The following CCDC7 variants were observed in gnomAD, a reference collection of about 807,000 sequenced individuals.
CCDC7 encodes the protein coiled-coil domain containing 7.
A neutral mutation model predicts 196.9 loss-of-function variants in CCDC7; 183 were observed. The observed-to-expected ratio is 0.93, with a 90% CI of 0.82 to 1.05. CCDC7 has a LOEUF of 1.05. Ranked by LOEUF, CCDC7 falls within the 50% of genes least tolerant of loss-of-function variation. The probability of loss-of-function intolerance (pLI) is 0.00; values close to 1 mark genes in which losing one functional copy is unlikely to be tolerated. For synonymous variants in CCDC7, 525 were observed against 484.6 expected (o/e 1.08, Z -1.10); for missense variants, 1,540 against 1,482.2 (o/e 1.04, Z -0.64).
rs146947430 is a variant in CCDC7 at position 32,824,578 on chromosome 10, C to T, written c.3242C>T (p.Thr1081Met). Reference sequence around the variant, plus strand: ...GGTACAATAAATGATGCAATTAAGACGCAGTTAAAGAGAAAGAGTTACCCT... The same window carrying T: ...GGTACAATAAATGATGCAATTAAGATGCAGTTAAAGAGAAAGAGTTACCCT... Residue 1081 changes from threonine to methionine, a missense_variant, in exon 32 of 42, where the codon ACG becomes ATG. Thr to Met is a moderately conservative substitution (Grantham distance 81, BLOSUM62 -1). Coordinates refer to ENST00000639629, the Ensembl canonical transcript of CCDC7. The T allele has an allele frequency of 2.6e-4, 418 of 1,610,934 alleles. 1 individual carries two copies. Among genetic ancestry groups the T allele is most frequent in the South Asian group, 6.5e-4 (59 of 90,806 alleles).
chr10:32,642,290 G>A (rs2066957227), intron 20 of CCDC7, among the ~76,000 whole-genome samples: 1 of 152,184 alleles, frequency 6.6e-6, no homozygotes, highest in South Asian at 2.1e-4. Context: ...AGCTGTGGTG[G>A]GCTCCACCCA....
intron 16 of CCDC7, among the ~76,000 whole-genome samples, chr10:32,575,327 T>G (rs1230273963): frequency 1.3e-5 from 2 of 152,196 alleles, no homozygotes; most frequent in African/African-American, 2.4e-5. Context: ...TATCCTCAGT[T>G]AACTGTTACA....
At chr10:32,617,938 T>C (rs1304517462) in intron 18 of CCDC7, among the ~76,000 whole-genome samples, 2 of 151,978 alleles carry the variant, frequency 1.3e-5, no homozygotes, top group Non-Finnish European at 2.9e-5. Flanking sequence ...CCCATGTATT[T>C]AGGATTGTTG....
Position 32,726,798 on chromosome 10 carries a change from G to GAA in CCDC7, c.2640_2641dup (p.Ile881LysfsTer2), listed in dbSNP as rs765697006. The stretch of plus-strand genomic sequence containing the variant: ...TGTCAAAACTCCAAATGCAAGAAAA[G>GAA]AAAAAAATAACTCCTGGAAGGGAAA... On this transcript the variant is annotated frameshift_variant, in exon 26 of 42. Transcript: ENST00000639629. LOFTEE classifies it high-confidence loss of function. The GAA allele has an allele frequency of 4.4e-6, 7 of 1,599,252 alleles. No individual in the cohort carries two copies. The highest frequency in any genetic ancestry group is 6.0e-6 in the Non-Finnish European group (7 of 1,170,242).
At chr10:32,588,566 A>AT (rs1328134359) in intron 18 of CCDC7, among the ~76,000 whole-genome samples, 2 of 151,924 alleles carry the variant, frequency 1.3e-5, no homozygotes, top group South Asian at 2.1e-4. Context: ...TTTTTCTAGT[A>AT]TTTTTTGAGA....
At chr10:32,471,274 A>G (rs572980942) in intron 6 of CCDC7, 44 bp downstream of exon 7, 392 of 1,584,360 alleles carry the variant, frequency 2.5e-4, no homozygotes, top group Non-Finnish European at 3.3e-4. Flanking sequence ...ACAGTAAGAA[A>G]GGGTATATAA....
chr10:32,480,571 G>A (rs1380651954), intron 8 of CCDC7, among the ~76,000 whole-genome samples: 1 of 152,016 alleles, frequency 6.6e-6, no homozygotes, highest in African/African-American at 2.4e-5. Context: ...TTCCATTTTT[G>A]TGTGTCATAA....
intron 20 of CCDC7, among the ~76,000 whole-genome samples, chr10:32,657,177 G>A (rs1036990375): frequency 6.6e-6 from 1 of 152,162 alleles, no homozygotes; most frequent in African/African-American, 2.4e-5. Flanking sequence ...AGCTTTTCCA[G>A]GCACATGATG....
chr10:32,748,631 G>A (rs1028511696), intron 28 of CCDC7, among the ~76,000 whole-genome samples: 3 of 152,122 alleles, frequency 2.0e-5, no homozygotes, highest in African/African-American at 4.8e-5. Context: ...ATAATCTTAT[G>A]GTTAGATCTC....
chr10:32,704,358 G>C (rs550746675), intron 24 of CCDC7, among the ~76,000 whole-genome samples: 20 of 152,084 alleles, frequency 1.3e-4, no homozygotes, highest in African/African-American at 4.8e-4. Context: ...CTGCCTGATC[G>C]TTCCTCTGGA....
intron 11 of CCDC7, among the ~76,000 whole-genome samples, chr10:32,537,397 C>T (rs867107821): frequency 1.1e-4 from 16 of 152,042 alleles, no homozygotes; most frequent in Non-Finnish European, 2.2e-4. Context: ...CTGGATATAA[C>T]ACCTTTGTCA....
At chr10:32,845,950 A>C in exon 36 of CCDC7, 1 of 1,610,190 alleles carries the variant, frequency 6.2e-7, no homozygotes, top group South Asian at 1.1e-5. Flanking sequence ...ACAACTGAAG[A>C]GTCACCGAGG....
chr10:32,615,620 G>A (rs117554610), intron 18 of CCDC7, among the ~76,000 whole-genome samples: 1 of 151,894 alleles, frequency 6.6e-6, no homozygotes, highest in Non-Finnish European at 1.5e-5. Flanking sequence ...TTATTCTGTA[G>A]GTTGTCTGTT....
chr10:32,527,069 A>G (rs2135754344), intron 11 of CCDC7, among the ~76,000 whole-genome samples: 1 of 152,304 alleles, frequency 6.6e-6, no homozygotes, highest in South Asian at 2.1e-4. Flanking sequence ...AGGATTGCCA[A>G]GAAACTCAAG....
chr10:32,818,738 C>A (rs1490834956), intron 31 of CCDC7, among the ~76,000 whole-genome samples: 1 of 152,136 alleles, frequency 6.6e-6, no homozygotes, highest in Admixed American at 6.5e-5. Context: ...GAAATGAAGG[C>A]AGAAATAAAG....
At chr10:32,817,534 G>A (rs1184235965) in intron 31 of CCDC7, among the ~76,000 whole-genome samples, 4 of 152,072 alleles carry the variant, frequency 2.6e-5, no homozygotes, top group Admixed American at 6.5e-5. Context: ...ACACATAATT[G>A]TCAGATTCAC....
At chr10:32,766,222 A>G (rs969217506) in intron 28 of CCDC7, among the ~76,000 whole-genome samples, 1 of 152,076 alleles carries the variant, frequency 6.6e-6, no homozygotes, top group Non-Finnish European at 1.5e-5. Context: ...GAAATAAGGA[A>G]AAATTGTTGC....
chr10:32,542,218 C>A (rs1032401411), intron 11 of CCDC7, among the ~76,000 whole-genome samples: 7 of 152,076 alleles, frequency 4.6e-5, no homozygotes, highest in Non-Finnish European at 1.0e-4. Flanking sequence ...ACTTTAAAAC[C>A]TGATTAGTTC....
Position 32,854,447 on chromosome 10 carries a change from CT to C in CCDC7, c.4070del (p.Leu1357ArgfsTer4). 6.2e-7 allele frequency: 1 copy of C among 1,607,812 alleles called. No individual in the cohort carries two copies. The highest frequency in any genetic ancestry group is 8.5e-7 in the Non-Finnish European group (1 of 1,175,734). On this transcript the variant is annotated frameshift_variant, in exon 41 of 42. Coordinates refer to ENST00000639629, the Ensembl canonical transcript of CCDC7. LOFTEE classifies it low-confidence loss of function (END_TRUNC). Reference sequence around the variant, plus strand: ...AAGCCAAAAAACTATTGAATTTACTCTGCCTACTGTGACCAATACAGTTGGA... The same window carrying C: ...AAGCCAAAAAACTATTGAATTTACTCGCCTACTGTGACCAATACAGTTGGA...
Sources: gnomAD v4.1 joint callset for allele counts (sites outside exome capture counted in the v4.1 genomes callset) on GRCh38, gnomAD v4.1.1 for gene constraint, MANE v1.5 for transcripts, NCBI Gene and HGNC (gene_info 2026-07-23, HGNC 2026-07-21) for gene names.